Variants in NTRK3 observed in about 807,000 individuals in gnomAD.
NTRK3 encodes the protein neurotrophic receptor tyrosine kinase 3.
Under a neutral mutation model 91.7 loss-of-function variants are expected in NTRK3, and 24 were observed. The ratio of observed to expected loss-of-function variants is 0.26; its 90% CI spans 0.19 to 0.37. The LOEUF (loss-of-function observed/expected upper bound fraction) is 0.37, where lower values mean the gene tolerates loss of function less well. NTRK3 is among the 10% of genes least tolerant of loss of function. The pLI, the probability that NTRK3 is intolerant of heterozygous loss-of-function variation, is 1.00. For synonymous variants in NTRK3, 483 were observed against 404.0 expected (o/e 1.20, Z -2.34); for missense variants, 880 against 1,068.9 (o/e 0.82, Z 2.46).
intron 17 of NTRK3, chr15:87,928,787 T>G: frequency 3.4e-6 from 1 of 291,916 alleles, no homozygotes; most frequent in Non-Finnish European, 6.4e-6. Flanking sequence ...ATAAAATGTG[T>G]CATGGGTGAG....
chr15:88,153,704 G>A (rs910094320), intron 5 of NTRK3, among the ~76,000 whole-genome samples: 51 of 152,052 alleles, frequency 3.4e-4, no homozygotes, highest in African/African-American at 1.2e-3. Flanking sequence ...GATCAATGGG[G>A]CAGCAGATTC....
intron 13 of NTRK3, among the ~76,000 whole-genome samples, chr15:88,051,311 C>T (rs949292270): frequency 6.6e-6 from 1 of 152,212 alleles, no homozygotes; most frequent in African/African-American, 2.4e-5. Flanking sequence ...TTTCTCCCCA[C>T]TCCACCCACT....
chr15:88,014,326 T>C (rs1229140649), intron 14 of NTRK3, among the ~76,000 whole-genome samples: 1 of 152,208 alleles, frequency 6.6e-6, no homozygotes, highest in African/African-American at 2.4e-5. Context: ...ACAACAGCCA[T>C]TGGTCCTAGA....
intron 14 of NTRK3, among the ~76,000 whole-genome samples, chr15:87,989,542 A>G (rs2075121992): frequency 6.6e-6 from 1 of 152,146 alleles, no homozygotes; most frequent in African/African-American, 2.4e-5. Context: ...TAGGAGATAT[A>G]CCTAATGTAA....
exon 19 of NTRK3, chr15:87,866,960 G>T (rs2064698741): frequency 4.6e-6 from 1 of 215,930 alleles, no homozygotes. Context: ...TAGAAAAAAT[G>T]AAAATTATGT....
chr15:88,241,519 C>T lies in NTRK3; in HGVS notation c.248+14387G>A, dbSNP rs1213983309. Reference sequence around the variant, plus strand: ...CCTGCCACTTCTGCTTCCCCAGGGCCCAGGGAGCTGCTCTGGGCTGGAAAG... The same window carrying T: ...CCTGCCACTTCTGCTTCCCCAGGGCTCAGGGAGCTGCTCTGGGCTGGAAAG... On this transcript the variant is annotated intron_variant, in intron 3 of 18. Transcript: ENST00000394480. The surrounding 1 kb of genome is among the most constrained non-coding windows in gnomAD (Gnocchi z 4.3). Among the ~76,000 whole-genome samples, 2 of 152,136 alleles carry T rather than the reference C, an allele frequency of 1.3e-5. No homozygotes were observed. Among genetic ancestry groups the T allele is most frequent in the Non-Finnish European group, 2.9e-5 (2 of 68,022 alleles).
intron 14 of NTRK3, among the ~76,000 whole-genome samples, chr15:87,984,412 T>G (rs2074557936): frequency 6.6e-6 from 1 of 152,232 alleles, no homozygotes. Flanking sequence ...TATGATTGAT[T>G]TGTTCTGTAT....
At chr15:87,976,196 C>A (rs113474232) in intron 14 of NTRK3, among the ~76,000 whole-genome samples, 1 of 152,138 alleles carries the variant, frequency 6.6e-6, no homozygotes, top group Non-Finnish European at 1.5e-5. Context: ...ATCCCTGTTC[C>A]AACTCTTTCT....
chr15:88,202,744 C>T (rs940627837), intron 3 of NTRK3, among the ~76,000 whole-genome samples: 15 of 152,192 alleles, frequency 9.9e-5, no homozygotes, highest in East Asian at 3.9e-4. Flanking sequence ...AGGAGAGCAT[C>T]CACACCTGTG....
At chr15:88,137,655 C>T in intron 6 of NTRK3, 94 bp from the exon 7 acceptor site, 1 of 1,317,394 alleles carries the variant, frequency 7.6e-7, no homozygotes, top group Non-Finnish European at 1.1e-6. Context: ...CCGACCTGTT[C>T]AGGGATTAAG....
At chr15:88,098,840 G>A (rs1023716588) in intron 13 of NTRK3, among the ~76,000 whole-genome samples, 3 of 152,170 alleles carry the variant, frequency 2.0e-5, no homozygotes, top group African/African-American at 7.2e-5. Flanking sequence ...GAGCTGCTCA[G>A]AAACTCAGTA....
chr15:88,069,890 T>A (rs1413083309), intron 13 of NTRK3, among the ~76,000 whole-genome samples: 2 of 152,122 alleles, frequency 1.3e-5, no homozygotes, highest in African/African-American at 4.8e-5. Flanking sequence ...AGGTGCCTCC[T>A]CTCTGGCACT....
At chr15:88,042,693 C>T (rs1438693794) in intron 13 of NTRK3, among the ~76,000 whole-genome samples, 3 of 152,200 alleles carry the variant, frequency 2.0e-5, no homozygotes, top group Non-Finnish European at 2.9e-5. Context: ...CAAGAACACG[C>T]ACTTAAGGAA....
At chr15:88,026,131 C>T (rs1014331478) in intron 14 of NTRK3, among the ~76,000 whole-genome samples, 3 of 151,830 alleles carry the variant, frequency 2.0e-5, no homozygotes, top group Non-Finnish European at 4.4e-5. Context: ...ATTAGCCAGG[C>T]GTGGTGGCGG....
At chr15:88,070,322 C>G (rs1191573436) in intron 13 of NTRK3, among the ~76,000 whole-genome samples, 3 of 152,052 alleles carry the variant, frequency 2.0e-5, no homozygotes, top group African/African-American at 7.2e-5. Context: ...TCTTTCCCTT[C>G]AAGCTCCTGC....
At chr15:88,131,221 C>T (rs181176377) in intron 10 of NTRK3, among the ~76,000 whole-genome samples, 4 of 152,336 alleles carry the variant, frequency 2.6e-5, no homozygotes, top group African/African-American at 7.2e-5. Context: ...CCTCCTGCCT[C>T]AGCCCACCAT....
At chr15:88,161,447 C>G (rs1383447629) in intron 5 of NTRK3, among the ~76,000 whole-genome samples, 1 of 152,166 alleles carries the variant, frequency 6.6e-6, no homozygotes, top group East Asian at 1.9e-4. Flanking sequence ...CTGTCACCAC[C>G]ACTAGGACAG....
At chr15:88,052,671 C>G (rs113565342) in intron 13 of NTRK3, among the ~76,000 whole-genome samples, 2 of 152,218 alleles carry the variant, frequency 1.3e-5, no homozygotes, top group African/African-American at 4.8e-5. Context: ...CTAAAAATGG[C>G]TTATGCTAAT....
In NTRK3 at chr15:88,245,027, C is replaced by T. The variant is rs2052689563; in HGVS notation, c.248+10879G>A. On this transcript the variant is annotated intron_variant, in intron 3 of 18. Coordinates refer to ENST00000394480, the Ensembl canonical transcript of NTRK3. ...CTGGGACACTCTGACACTTGGTATT[C>T]CAAAGGAGTCCCTTAGCAGGAGCCA... Among the ~76,000 whole-genome samples the T allele has an allele frequency of 3.3e-5, 5 of 152,324 alleles. No individual in the cohort carries two copies. In the South Asian group the frequency reaches 1.0e-3, roughly 32 times the overall value.
Sources: allele counts gnomAD v4.1 joint callset (sites outside exome capture counted in the v4.1 genomes callset), GRCh38; gene constraint gnomAD v4.1.1; non-coding constraint Gnocchi (gnomAD v3.1); transcripts MANE v1.5; gene names NCBI Gene and HGNC (gene_info 2026-07-23, HGNC 2026-07-21).